Variants in NECAB2 observed in about 807,000 individuals in gnomAD.
NECAB2 encodes the protein N-terminal EF-hand calcium binding protein 2, also known as N-terminal EF-hand calcium-binding protein 2.
Under a neutral mutation model 51.9 loss-of-function variants are expected in NECAB2, and 68 were observed. That is an observed-to-expected ratio of 1.31 (90% CI 1.08 to 1.60). The LOEUF (loss-of-function observed/expected upper bound fraction) is 1.60. Ranked by LOEUF, NECAB2 falls within the 40% of genes most tolerant of loss-of-function variation. The pLI, the probability that NECAB2 is intolerant of heterozygous loss-of-function variation, is 0.00. For missense variants in NECAB2, 854 were observed against 490.3 expected (o/e 1.74, Z -7.00); for synonymous variants, 329 against 203.5 (o/e 1.62, Z -5.25).
intron 8 of NECAB2, 39 bp downstream of exon 8, chr16:83,994,727 C>T: frequency 1.2e-6 from 2 of 1,600,620 alleles, no homozygotes; most frequent in Admixed American, 1.7e-5. Context: ...CTCCTTCCAA[C>T]CCCTGAGGGA....
At chr16:83,982,586 G>C (rs1019987471) in intron 5 of NECAB2, among the ~76,000 whole-genome samples, 1 of 152,108 alleles carries the variant, frequency 6.6e-6, no homozygotes, top group African/African-American at 2.4e-5. Flanking sequence ...CTTGAGCCTC[G>C]GTTTTCTCAC....
chr16:84,000,604 A>C (rs1237495469), intron 10 of NECAB2, 120 bp from the exon 11 acceptor site: 2 of 725,060 alleles, frequency 2.8e-6, no homozygotes, highest in Non-Finnish European at 4.7e-6. Flanking sequence ...TCAAGACAGG[A>C]AGAAACATTG....
In NECAB2 at chr16:83,978,531, C is replaced by A; in HGVS notation, c.314C>A (p.Thr105Lys). 6.8e-6 allele frequency: 11 copies of A among 1,613,554 alleles called. No individual in the cohort carries two copies. Among genetic ancestry groups the A allele is most frequent in the Non-Finnish European group, 8.5e-6 (10 of 1,179,758 alleles). ...NEKELEDLFH[T>K]IDSDNTNHVD... ...AAAGAACTGGAGGATCTCTTTCACACGATTGACTCTGACAACACCAAGTGA... is the reference window on the plus strand; with the variant it reads ...AAAGAACTGGAGGATCTCTTTCACAAGATTGACTCTGACAACACCAAGTGA... Residue 105 changes from threonine (T) to lysine (K), a missense_variant, in exon 3 of 13, where the codon ACG (threonine) becomes AAG (lysine). Transcript: ENST00000305202.
chr16:83,971,975 C>T, intron 1 of NECAB2, 176 bp from the exon 2 acceptor site: 1 of 799,792 alleles, frequency 1.3e-6, no homozygotes, highest in Non-Finnish European at 2.0e-6. Context: ...TGCAACATCC[C>T]TCATCAGTTC....
intron 1 of NECAB2, among the ~76,000 whole-genome samples, chr16:83,970,309 G>A (rs113020844): frequency 0.012 from 1,854 of 152,268 alleles, 14 homozygotes; most frequent in Middle Eastern, 0.021. Context: ...GCCCAGAGCC[G>A]GCACCTACCT....
intron 10 of NECAB2, 127 bp downstream of exon 10, chr16:83,998,444 A>C (rs1357270460): frequency 3.5e-6 from 3 of 858,614 alleles, no homozygotes; most frequent in East Asian, 5.4e-5. Flanking sequence ...ACACAGCTGG[A>C]TGCGTAAGAA....
At chr16:83,995,478 C>G (rs181646406) in intron 8 of NECAB2, among the ~76,000 whole-genome samples, 1 of 152,034 alleles carries the variant, frequency 6.6e-6, no homozygotes, top group Non-Finnish European at 1.5e-5. Flanking sequence ...GCACAGGGCC[C>G]GGTGCTGTAG....
At chr16:83,982,217 C>G (rs1440179729) in intron 5 of NECAB2, among the ~76,000 whole-genome samples, 2 of 152,184 alleles carry the variant, frequency 1.3e-5, no homozygotes, top group Non-Finnish European at 2.9e-5. Context: ...CAGTTAGTGA[C>G]CGCCATGTAT....
At chr16:83,965,193 A>G, upstream of NECAB2, 3 of 1,613,176 alleles carry the variant, frequency 1.9e-6, no homozygotes, top group South Asian at 1.1e-5. Flanking sequence ...GGGACCCCCG[A>G]TCCCAGCAGC....
intron 10 of NECAB2, among the ~76,000 whole-genome samples, chr16:84,000,208 T>TTTTG (rs1170835014): frequency 2.6e-5 from 4 of 152,180 alleles, no homozygotes; most frequent in African/African-American, 4.8e-5. Context: ...AGCCACCTGG[T>TTTTG]TTTGTTTAAA....
intron 11 of NECAB2, 73 bp downstream of exon 11, chr16:84,000,874 C>A: frequency 1.3e-6 from 2 of 1,487,464 alleles, no homozygotes; most frequent in Non-Finnish European, 1.9e-6. Flanking sequence ...TGGAGCCAGG[C>A]ATCCTTGGAG....
intron 6 of NECAB2, among the ~76,000 whole-genome samples, chr16:83,991,984 G>T (rs536230682): frequency 6.6e-6 from 1 of 152,238 alleles, no homozygotes; most frequent in African/African-American, 2.4e-5. Context: ...AGCAGTTTAG[G>T]AAATGGCATA....
Position 83,980,883 on chromosome 16 carries a change from T to A in NECAB2, c.361+19T>A. On this transcript the variant is annotated intron_variant, in intron 4 of 12. Coordinates refer to ENST00000305202, the MANE Select transcript of NECAB2 (RefSeq NM_019065.3). ...CTGTGTGGTAGGTGCCTGGCTATGCTGGGACCAAGATGGGGATGCTGGGAT... is the reference window on the plus strand; with the variant it reads ...CTGTGTGGTAGGTGCCTGGCTATGCAGGGACCAAGATGGGGATGCTGGGAT... 1 of 1,613,176 alleles carries A rather than the reference T, an allele frequency of 6.2e-7. No individual in the cohort carries two copies. The highest frequency in any genetic ancestry group is 8.5e-7 in the Non-Finnish European group (1 of 1,179,428).
At chr16:83,981,726 A>G (rs1318631754) in intron 5 of NECAB2, among the ~76,000 whole-genome samples, 3 of 152,102 alleles carry the variant, frequency 2.0e-5, no homozygotes, top group Non-Finnish European at 4.4e-5. Context: ...GGAGTGTAGC[A>G]TGAGACTCCA....
intron 10 of NECAB2, among the ~76,000 whole-genome samples, chr16:83,998,658 C>T (rs1423842067): frequency 1.3e-5 from 2 of 152,320 alleles, no homozygotes; most frequent in Middle Eastern, 3.4e-3. Flanking sequence ...CCCGTGCGCT[C>T]AGTCAGCCTC....
chr16:84,001,777 G>T (rs2084841190), intron 11 of NECAB2, 48 bp from the exon 12 acceptor site: 5 of 1,598,122 alleles, frequency 3.1e-6, no homozygotes, highest in Non-Finnish European at 4.3e-6. Flanking sequence ...GCCACACGCG[G>T]AGCTCCACTC....
intron 10 of NECAB2, among the ~76,000 whole-genome samples, chr16:83,999,833 A>AAGTAG (rs2084786062): frequency 6.6e-6 from 1 of 152,044 alleles, no homozygotes; most frequent in South Asian, 2.1e-4. Flanking sequence ...ATGAGAGGAC[A>AAGTAG]AGTAGAAGGA....
chr16:83,972,130 C>G, intron 1 of NECAB2, 21 bp from the exon 2 acceptor site: 1 of 1,613,094 alleles, frequency 6.2e-7, no homozygotes, highest in Non-Finnish European at 8.5e-7. Context: ...CCAGGGCTGA[C>G]TCCGCCTCTC....
chr16:83,971,859 C>T, intron 1 of NECAB2: 2 of 570,750 alleles, frequency 3.5e-6, no homozygotes, highest in Non-Finnish European at 3.1e-6. Context: ...TGTGGACCTA[C>T]ACCTGCAGGG....
Sources: gnomAD v4.1 joint callset for allele counts (sites outside exome capture counted in the v4.1 genomes callset) on GRCh38, gnomAD v4.1.1 for gene constraint, MANE v1.5 for transcripts, NCBI Gene and HGNC (gene_info 2026-07-23, HGNC 2026-07-21) for gene names.